The following RBFOX1 variants were observed in gnomAD, a reference collection of about 807,000 sequenced individuals.
RBFOX1 encodes RNA binding fox-1 homolog 1.
Under a neutral mutation model 57.7 loss-of-function variants are expected in RBFOX1, and 8 were observed. The observed-to-expected ratio is 0.14, with a 90% CI of 0.08 to 0.25. The LOEUF (loss-of-function observed/expected upper bound fraction) is 0.25. Ranked by LOEUF, RBFOX1 falls within the 10% of genes least tolerant of loss-of-function variation. The pLI is 1.00. For missense variants in RBFOX1, 611 were observed against 548.5 expected (o/e 1.11, Z -1.14); for synonymous variants, 326 against 222.4 (o/e 1.47, Z -4.15).
chr16:5,881,844 T>G (rs553484827), intron 4 of RBFOX1, among the ~76,000 whole-genome samples: 1 of 152,218 alleles, frequency 6.6e-6, no homozygotes, highest in Admixed American at 6.5e-5. Context: ...GGTTAACATT[T>G]ATAAATACTT....
At chr16:6,074,828 T>C (rs929875350) in intron 1 of RBFOX1, among the ~76,000 whole-genome samples, 3 of 152,142 alleles carry the variant, frequency 2.0e-5, no homozygotes, top group Admixed American at 6.5e-5. Context: ...ATGCTGAGTT[T>C]GGTGGCTTAC....
At chr16:6,808,468 C>T (rs1043361180) in intron 3 of RBFOX1, among the ~76,000 whole-genome samples, 1 of 151,960 alleles carries the variant, frequency 6.6e-6, no homozygotes, top group Non-Finnish European at 1.5e-5. Flanking sequence ...CCCTTGCTTC[C>T]CCAGTGAATA....
At chr16:6,761,001 C>T (rs920276724) in intron 3 of RBFOX1, among the ~76,000 whole-genome samples, 1 of 152,130 alleles carries the variant, frequency 6.6e-6, no homozygotes, top group African/African-American at 2.4e-5. Flanking sequence ...AGCCATCTTT[C>T]CAATTAATAA....
intron 4 of RBFOX1, among the ~76,000 whole-genome samples, chr16:7,052,309 A>AT (rs2050368000): frequency 1.3e-5 from 2 of 152,176 alleles, no homozygotes; most frequent in South Asian, 4.1e-4. Context: ...GTAGATATGG[A>AT]TTTTTTGATT....
chr16:6,307,059 G>A (rs13380623), intron 1 of RBFOX1, among the ~76,000 whole-genome samples: 40,216 of 152,112 alleles, frequency 0.26, 5,374 homozygotes, highest in East Asian at 0.32. Flanking sequence ...TTACATCAGC[G>A]TAAGGACTTC....
chr16:6,305,740 G>A lies in RBFOX1; in HGVS notation c.-126-11255G>A, dbSNP rs568510204. On this transcript the variant is annotated intron_variant, in intron 1 of 15. Coordinates refer to ENST00000550418, the MANE Select transcript of RBFOX1 (RefSeq NM_018723.4). ...TTTCCACCTCGTGCATTGGATAATT[G>A]TGGCCAGAGATGGACAGTAACTCAC... Among the ~76,000 whole-genome samples, 4 of 150,776 alleles carry A rather than the reference G, an allele frequency of 2.7e-5. No individual in the cohort carries two copies. In the East Asian group the frequency reaches 7.9e-4, roughly 30 times the overall value.
rs544375281 is a variant in RBFOX1, at chr16:6,817,468, C to T, written c.-16+162818C>T. Among the ~76,000 whole-genome samples, 3 of 146,602 alleles carry T rather than the reference C, an allele frequency of 2.0e-5. No homozygotes were observed. In the South Asian group the frequency reaches 6.4e-4, roughly 31 times the overall value. On this transcript the variant is annotated intron_variant, in intron 3 of 15. Coordinates refer to ENST00000550418, the MANE Select transcript of RBFOX1 (RefSeq NM_018723.4). ...CAACGCTTTGTGAGGCAGAGGCAGG[C>T]AGATTGGTTGAGGTCAAGAGTTCGA...
chr16:7,213,622 G>T (rs1487695767), intron 4 of RBFOX1, among the ~76,000 whole-genome samples: 1 of 151,882 alleles, frequency 6.6e-6, no homozygotes, highest in African/African-American at 2.4e-5. Flanking sequence ...CTTACCGTGT[G>T]CCTGGAACTG....
intron 3 of RBFOX1, among the ~76,000 whole-genome samples, chr16:6,923,014 G>T (rs1390960718): frequency 6.6e-6 from 1 of 152,208 alleles, no homozygotes; most frequent in Non-Finnish European, 1.5e-5. Context: ...TCTATAGGCA[G>T]TGTATAAGCA....
At chr16:7,266,173 C>T (rs996372065) in intron 4 of RBFOX1, among the ~76,000 whole-genome samples, 2 of 151,908 alleles carry the variant, frequency 1.3e-5, no homozygotes, top group Admixed American at 1.3e-4. Flanking sequence ...GACGGGGTTT[C>T]ACTGTGTTAC....
At chr16:6,873,112 T>C (rs1307737791) in intron 3 of RBFOX1, among the ~76,000 whole-genome samples, 1 of 151,790 alleles carries the variant, frequency 6.6e-6, no homozygotes, top group Non-Finnish European at 1.5e-5. Flanking sequence ...CTTGAGAAAC[T>C]TTTAGTTTCT....
chr16:5,859,079 C>A (rs1232873370), intron 3 of RBFOX1, among the ~76,000 whole-genome samples: 1 of 152,138 alleles, frequency 6.6e-6, no homozygotes, highest in Non-Finnish European at 1.5e-5. Context: ...ATTGTGGGTG[C>A]CTGTGGTCCC....
chr16:7,568,192 A>T (rs751925036), intron 5 of RBFOX1, among the ~76,000 whole-genome samples: 5 of 152,064 alleles, frequency 3.3e-5, no homozygotes, highest in Non-Finnish European at 7.4e-5. Flanking sequence ...AAACAAAAGA[A>T]TGGCTACTCC....
At chr16:6,751,989 T>C (rs2075013942) in intron 3 of RBFOX1, among the ~76,000 whole-genome samples, 1 of 152,136 alleles carries the variant, frequency 6.6e-6, no homozygotes, top group African/African-American at 2.4e-5. Context: ...TCAAGCACTT[T>C]AATAGGATCC....
chr16:5,432,991 G>T (rs113083446), intron 1 of RBFOX1, among the ~76,000 whole-genome samples: 1 of 152,026 alleles, frequency 6.6e-6, no homozygotes, highest in South Asian at 2.1e-4. Context: ...TCACCATGTT[G>T]GCCAGGGTGG....
intron 4 of RBFOX1, among the ~76,000 whole-genome samples, chr16:7,267,507 G>A (rs758487417): frequency 6.6e-6 from 1 of 152,106 alleles, no homozygotes. Context: ...CTGCATTCCA[G>A]CCTGGGCAAC....
At chr16:6,986,064 G>A (rs1029888139) in intron 3 of RBFOX1, among the ~76,000 whole-genome samples, 5 of 151,212 alleles carry the variant, frequency 3.3e-5, no homozygotes, top group Non-Finnish European at 3.0e-5. Flanking sequence ...AATTTCATTT[G>A]TCTTTTTAAA....
intron 2 of RBFOX1, among the ~76,000 whole-genome samples, chr16:6,609,587 C>T (rs2154023131): frequency 6.6e-6 from 1 of 151,818 alleles, no homozygotes; most frequent in East Asian, 1.9e-4. Flanking sequence ...CAAGGCATTT[C>T]CTTAATTTAA....
At chr16:6,530,405 G>A (rs1010089059) in intron 2 of RBFOX1, among the ~76,000 whole-genome samples, 23 of 152,196 alleles carry the variant, frequency 1.5e-4, no homozygotes, top group African/African-American at 5.5e-4. Flanking sequence ...TCACCTGCAA[G>A]ATGGGGAGAC....
Sources: allele counts gnomAD v4.1 joint callset (sites outside exome capture counted in the v4.1 genomes callset), GRCh38; gene constraint gnomAD v4.1.1; transcripts MANE v1.5; gene names NCBI Gene and HGNC (gene_info 2026-07-23, HGNC 2026-07-21).